Variants in HPSE2 observed in about 807,000 individuals in gnomAD.
HPSE2 encodes heparanase 2 (inactive).
Under a neutral mutation model 60.5 loss-of-function variants are expected in HPSE2, and 38 were observed. The observed-to-expected ratio is 0.63, with a 90% CI of 0.48 to 0.82. The LOEUF is 0.82. Among genes scored for constraint, HPSE2 ranks in the 40% least tolerant of loss-of-function variants. The pLI, the probability that HPSE2 is intolerant of heterozygous loss-of-function variation, is 0.00. For synonymous variants in HPSE2, 295 were observed against 293.2 expected (o/e 1.01, Z -0.06); for missense variants, 713 against 740.4 (o/e 0.96, Z 0.43).
intron 2 of HPSE2, among the ~76,000 whole-genome samples, chr10:99,157,033 C>A (rs1846597791): frequency 9.0e-6 from 1 of 111,174 alleles, no homozygotes; most frequent in East Asian, 2.8e-4. Flanking sequence ...ACCTAGGAAT[C>A]CAACTTACAA....
Position 99,181,397 on chromosome 10 carries a change from CAAAAAAAAAA to C in HPSE2, c.449-37008_449-36999del, listed in dbSNP as rs58049545. 4.4e-3 allele frequency among the ~76,000 whole-genome samples: 458 copies of C among 104,744 alleles called. 2 individuals carry two copies. The highest frequency in any genetic ancestry group is 5.9e-3 in the Non-Finnish European group (337 of 57,250). 68.7% of individuals were successfully genotyped at this position (104,744 alleles called of 152,430 possible). The stretch of plus-strand genomic sequence containing the variant: ...TGGGCGACAGAGCGAGACTCCGTCT[CAAAAAAAAAA>C]AAAAAAAAAAAAAAGACACACGCAC... On this transcript the variant is annotated intron_variant, in intron 2 of 11. Coordinates refer to ENST00000370552, the MANE Select transcript of HPSE2 (RefSeq NM_021828.5).
chr10:98,620,904 T>C (rs1946056657), intron 7 of HPSE2, among the ~76,000 whole-genome samples, 196 bp from the exon 8 acceptor site: 1 of 152,196 alleles, frequency 6.6e-6, no homozygotes, highest in Non-Finnish European at 1.5e-5. Flanking sequence ...CATTGACACA[T>C]ATCCACTTAA....
intron 3 of HPSE2, among the ~76,000 whole-genome samples, chr10:98,869,902 CA>C (rs1395232136): frequency 6.6e-6 from 1 of 151,970 alleles, no homozygotes; most frequent in African/African-American, 2.4e-5. Flanking sequence ...ATAAAAGCAA[CA>C]ACCTGAGACA....
At chr10:98,880,290 G>T (rs1952987368) in intron 3 of HPSE2, among the ~76,000 whole-genome samples, 1 of 152,028 alleles carries the variant, frequency 6.6e-6, no homozygotes, top group African/African-American at 2.4e-5. Flanking sequence ...GGCTGAGGTT[G>T]CAGGGCATGG....
At chr10:99,184,785 A>ATT (rs1425029083) in intron 2 of HPSE2, among the ~76,000 whole-genome samples, 19 of 31,864 alleles carry the variant, frequency 6.0e-4, no homozygotes, top group African/African-American at 1.3e-3. Context: ...ACTATCCAAA[A>ATT]TTATATATAT....
At chr10:99,259,775 G>T in the HPSE2 span, among the ~76,000 whole-genome samples, 1 of 152,188 alleles carries the variant, frequency 6.6e-6, no homozygotes, top group African/African-American at 2.4e-5. Context: ...GTGAGCAACA[G>T]GTGAGCAAGC....
chr10:98,661,506 T>C (rs1250272643), intron 6 of HPSE2, among the ~76,000 whole-genome samples: 1 of 152,228 alleles, frequency 6.6e-6, no homozygotes, highest in Non-Finnish European at 1.5e-5. Context: ...TTTATATAAG[T>C]GACTTTAAGC....
chr10:99,009,537 A>G (rs1204264433), intron 3 of HPSE2, among the ~76,000 whole-genome samples: 3 of 152,178 alleles, frequency 2.0e-5, no homozygotes, highest in Admixed American at 6.5e-5. Flanking sequence ...GGAAGTACTG[A>G]TTCAACAGTG....
At position 99,189,762 on chromosome 10, in the gene HPSE2, T is replaced by C. The variant is rs142826527; in HGVS notation, c.448+42586A>G. On this transcript the variant is annotated intron_variant, in intron 2 of 11. Transcript: ENST00000370552. ...AGAATATAATCTTCTGAATGGGCTC[T>C]GACTGTGGGTCTAAAGGGAACAGTG... Among the ~76,000 whole-genome samples the C allele has an allele frequency of 1.2e-4, 19 of 152,366 alleles. No homozygotes were observed. The East Asian group carries it at 2.9e-3, about 23-fold the overall frequency.
chr10:98,790,246 T>C (rs1950626536), intron 3 of HPSE2, among the ~76,000 whole-genome samples: 1 of 152,234 alleles, frequency 6.6e-6, no homozygotes, highest in Non-Finnish European at 1.5e-5. Context: ...AATAAGTTGA[T>C]TCCATACCTT....
chr10:98,818,835 G>A (rs1046113099), intron 3 of HPSE2, among the ~76,000 whole-genome samples: 2 of 152,152 alleles, frequency 1.3e-5, no homozygotes, highest in African/African-American at 4.8e-5. Flanking sequence ...TAGTTTAGAT[G>A]ATGATCTTAC....
In HPSE2 at chr10:98,670,451, T is replaced by C. The variant is rs143439569; in HGVS notation, c.1004+23449A>G. ...TTTGGGATTTTTTCATATTTGGGAA[T>C]ATTTGCATTTATATTGTTACTAATT... On this transcript the variant is annotated intron_variant, in intron 6 of 11. Transcript: ENST00000370552. 1.2e-3 allele frequency among the ~76,000 whole-genome samples: 185 copies of C among 152,326 alleles called. 1 individual carries two copies. Among genetic ancestry groups the C allele is most frequent in the African/African-American group, 4.2e-3 (174 of 41,580 alleles).
chr10:98,794,036 T>A (rs1382320518), intron 3 of HPSE2, among the ~76,000 whole-genome samples: 1 of 152,182 alleles, frequency 6.6e-6, no homozygotes, highest in African/African-American at 2.4e-5. Context: ...TTTAGTGTAT[T>A]TTTCCTGGGA....
intron 3 of HPSE2, among the ~76,000 whole-genome samples, chr10:98,971,155 A>C (rs1027434231): frequency 6.6e-6 from 1 of 152,214 alleles, no homozygotes; most frequent in Non-Finnish European, 1.5e-5. Flanking sequence ...TAAATTAACA[A>C]ACGTTTAATA....
chr10:98,586,456 T>C (rs1375521105), intron 9 of HPSE2, among the ~76,000 whole-genome samples: 1 of 152,228 alleles, frequency 6.6e-6, no homozygotes, highest in South Asian at 2.1e-4. Flanking sequence ...GTTTTTCTAA[T>C]ACTTGTTTAA....
In HPSE2 at chr10:98,488,692, G is replaced by A. The variant is rs79979007; in HGVS notation, c.1466+1359C>T. ...GAGTCTGGGGGTCCACCTTTTGGGT[G>A]GTTACCTCAGGGCCAGGGCAGAGAC... On this transcript the variant is annotated intron_variant, in intron 10 of 11. Transcript: ENST00000370552. Among the ~76,000 whole-genome samples, 10 of 152,352 alleles carry A rather than the reference G, an allele frequency of 6.6e-5. No homozygotes were observed. The East Asian group carries it at 1.7e-3, about 26-fold the overall frequency.
rs191995799 is a variant in HPSE2, at chr10:98,614,582, G to A, written c.1320+322C>T. On this transcript the variant is annotated intron_variant, in intron 9 of 11. Transcript: ENST00000370552. ...GCTGAGATTACAGGCGTGAGCCACC[G>A]TGCCCGGCCTGGATTGTTAAAACAA... Among the ~76,000 whole-genome samples the A allele has an allele frequency of 4.6e-5, 7 of 152,194 alleles. No homozygotes were observed. The East Asian group carries it at 1.2e-3, about 25-fold the overall frequency.
chr10:98,484,277 G>A (rs898863860), intron 10 of HPSE2, among the ~76,000 whole-genome samples: 7 of 139,666 alleles, frequency 5.0e-5, no homozygotes, highest in African/African-American at 8.1e-5. Context: ...TTTCTCTGTC[G>A]CCCAGGCTGG....
At chr10:98,688,247 A>G (rs1947968299) in intron 6 of HPSE2, among the ~76,000 whole-genome samples, 1 of 151,970 alleles carries the variant, frequency 6.6e-6, no homozygotes, top group Non-Finnish European at 1.5e-5. Flanking sequence ...CCTTTGTGGT[A>G]TTATTGCCAT....
Sources: allele counts gnomAD v4.1 joint callset (sites outside exome capture counted in the v4.1 genomes callset), GRCh38; gene constraint gnomAD v4.1.1; transcripts MANE v1.5; gene names NCBI Gene and HGNC (gene_info 2026-07-23, HGNC 2026-07-21).